Variants in ROBO2 observed in about 807,000 individuals in gnomAD.
ROBO2 encodes the protein roundabout homolog 2.
ROBO2 carries 53 observed loss-of-function variants against 160.8 expected under a neutral mutation model. The observed-to-expected ratio is 0.33, with a 90% CI of 0.26 to 0.41. The LOEUF is 0.41. Ranked by LOEUF, ROBO2 falls within the 10% of genes least tolerant of loss-of-function variation. ROBO2 has a pLI of 1.00. For missense variants in ROBO2, 1,577 were observed against 1,722.4 expected (o/e 0.92, Z 1.49); for synonymous variants, 664 against 611.7 (o/e 1.09, Z -1.26).
intron 2 of ROBO2, among the ~76,000 whole-genome samples, chr3:76,663,650 T>C (rs753698378): frequency 9.2e-5 from 14 of 152,106 alleles, no homozygotes; most frequent in South Asian, 2.1e-4. Context: ...TTCGTTATGA[T>C]GCTAATTGGA....
intron 1 of ROBO2, among the ~76,000 whole-genome samples, chr3:77,087,610 A>G (rs1348643262): frequency 6.6e-6 from 1 of 152,094 alleles, no homozygotes; most frequent in East Asian, 1.9e-4. Flanking sequence ...TTAAGAGGAA[A>G]ATCCCCCCTA....
At chr3:76,160,344 G>A (rs2072572131) in intron 2 of ROBO2, among the ~76,000 whole-genome samples, 2 of 152,058 alleles carry the variant, frequency 1.3e-5, no homozygotes. Context: ...AATAGTTTTG[G>A]CACCCATTGA....
At chr3:77,552,668 T>C (rs910775219) in intron 8 of ROBO2, among the ~76,000 whole-genome samples, 2 of 152,056 alleles carry the variant, frequency 1.3e-5, no homozygotes, top group Non-Finnish European at 1.5e-5. Context: ...TTTACTTGAG[T>C]AAGCAATTAC....
chr3:76,236,637 T>C (rs1704963141), intron 2 of ROBO2, among the ~76,000 whole-genome samples: 1 of 152,166 alleles, frequency 6.6e-6, no homozygotes, highest in South Asian at 2.1e-4. Flanking sequence ...CACTACAAGA[T>C]ACTGCAGTTT....
intron 2 of ROBO2, among the ~76,000 whole-genome samples, chr3:76,116,381 T>A (rs577115178): frequency 6.6e-6 from 1 of 152,260 alleles, no homozygotes; most frequent in East Asian, 1.9e-4. Flanking sequence ...TAGAATAAAT[T>A]AACATATGTA....
chr3:76,745,071 G>T (rs188467726), intron 2 of ROBO2, among the ~76,000 whole-genome samples: 2 of 152,046 alleles, frequency 1.3e-5, no homozygotes, highest in African/African-American at 4.8e-5. Context: ...AAAAGTGCAC[G>T]TGACTTTCAA....
intron 2 of ROBO2, among the ~76,000 whole-genome samples, chr3:76,147,544 C>G (rs1363144074): frequency 6.6e-6 from 1 of 151,996 alleles, no homozygotes; most frequent in Non-Finnish European, 1.5e-5. Context: ...ATCTTGTGAA[C>G]CATTCAGCAA....
chr3:76,683,747 C>T (rs1039303911), intron 2 of ROBO2, among the ~76,000 whole-genome samples: 1 of 152,056 alleles, frequency 6.6e-6, no homozygotes, highest in Non-Finnish European at 1.5e-5. Context: ...AGCCTTTTCA[C>T]AAACTATCCC....
chr3:77,504,555 G>T (rs897271518), intron 5 of ROBO2, among the ~76,000 whole-genome samples: 3 of 152,126 alleles, frequency 2.0e-5, no homozygotes, highest in Non-Finnish European at 4.4e-5. Context: ...TTATTTGAGA[G>T]AGTATTTAAA....
chr3:77,267,383 A>G (rs2059195869), intron 2 of ROBO2, among the ~76,000 whole-genome samples: 1 of 152,218 alleles, frequency 6.6e-6, no homozygotes, highest in African/African-American at 2.4e-5. Flanking sequence ...AACTCGGCAG[A>G]AAGAAATGAT....
intron 2 of ROBO2, among the ~76,000 whole-genome samples, chr3:77,409,812 T>A (rs756925866): frequency 6.6e-6 from 1 of 152,118 alleles, no homozygotes; most frequent in African/African-American, 2.4e-5. Flanking sequence ...ATATTTCCAA[T>A]TATAAGACCA....
intron 2 of ROBO2, among the ~76,000 whole-genome samples, chr3:76,322,198 A>ATG (rs2072610661): frequency 9.0e-6 from 1 of 110,802 alleles, no homozygotes; most frequent in South Asian, 2.9e-4. Context: ...ATATATATAT[A>ATG]TATATAATAT....
intron 2 of ROBO2, among the ~76,000 whole-genome samples, chr3:76,760,557 A>C (rs1055118652): frequency 1.3e-5 from 2 of 151,724 alleles, no homozygotes; most frequent in African/African-American, 2.4e-5. Context: ...GAAGGTAGAG[A>C]GATCCCCAAC....
intron 2 of ROBO2, among the ~76,000 whole-genome samples, chr3:76,764,671 G>A (rs2061481778): frequency 6.6e-6 from 1 of 151,460 alleles, no homozygotes; most frequent in African/African-American, 2.4e-5. Flanking sequence ...CTTTCAGAAT[G>A]ACATTGTCTT....
chr3:75,998,294 A>AT (rs1289112247), intron 2 of ROBO2, among the ~76,000 whole-genome samples: 2 of 152,180 alleles, frequency 1.3e-5, no homozygotes, highest in African/African-American at 2.4e-5. Context: ...CCCTAAAGCA[A>AT]TTTTTTATTA....
intron 2 of ROBO2, among the ~76,000 whole-genome samples, chr3:76,261,364 C>T (rs1356882703): frequency 6.6e-6 from 1 of 151,692 alleles, no homozygotes; most frequent in Non-Finnish European, 1.5e-5. Flanking sequence ...TTTTCAGAAC[C>T]AAAATTTTAA....
intron 2 of ROBO2, among the ~76,000 whole-genome samples, chr3:76,401,808 C>T (rs753554916): frequency 4.0e-5 from 6 of 151,332 alleles, no homozygotes; most frequent in Non-Finnish European, 8.9e-5. Context: ...AATAATTTGT[C>T]ATGTCCTAAG....
At chr3:76,116,875 A>G (rs2070493429) in intron 2 of ROBO2, among the ~76,000 whole-genome samples, 1 of 152,184 alleles carries the variant, frequency 6.6e-6, no homozygotes, top group Non-Finnish European at 1.5e-5. Context: ...AAAAAGCAGA[A>G]GCTTTTCTTG....
intron 2 of ROBO2, among the ~76,000 whole-genome samples, chr3:77,333,291 T>A (rs911953900): frequency 1.3e-5 from 2 of 152,172 alleles, no homozygotes; most frequent in Non-Finnish European, 2.9e-5. Context: ...TAAACCTGGG[T>A]GTTCCTAAAT....
Sources: gnomAD v4.1 joint callset for allele counts (sites outside exome capture counted in the v4.1 genomes callset) on GRCh38, gnomAD v4.1.1 for gene constraint, MANE v1.5 for transcripts, NCBI Gene and HGNC (gene_info 2026-07-23, HGNC 2026-07-21) for gene names.